RARB: variants seen among roughly 807,000 people sequenced by gnomAD.
RARB encodes HBV-activated protein.
A neutral mutation model predicts 51.9 loss-of-function variants in RARB; 17 were observed. The observed-to-expected ratio is 0.33, with a 90% CI of 0.22 to 0.49. RARB has a LOEUF of 0.49. Ranked by LOEUF, RARB falls within the 20% of genes least tolerant of loss-of-function variation. The pLI, the probability that RARB is intolerant of heterozygous loss-of-function variation, is 0.99. For missense variants in RARB, 369 were observed against 550.8 expected, an observed-to-expected ratio of 0.67 and a Z score of 3.30; for synonymous variants, 215 against 195.4, an observed-to-expected ratio of 1.10 and a Z score of -0.84.
chr3:25,502,701 C>T (rs1336081488), intron 3 of RARB, among the ~76,000 whole-genome samples: 2 of 152,058 alleles, frequency 1.3e-5, no homozygotes, highest in African/African-American at 2.4e-5. Context: ...AAGACTCGTG[C>T]GTAGAATATC....
intron 2 of RARB, among the ~76,000 whole-genome samples, chr3:24,930,985 A>G (rs1031608158): frequency 6.6e-6 from 1 of 152,084 alleles, no homozygotes; most frequent in Middle Eastern, 3.2e-3. Flanking sequence ...TGCACTCCAC[A>G]CTAGGTGACA....
chr3:25,397,600 T>A (rs1423855925), intron 5 of RARB, among the ~76,000 whole-genome samples: 2 of 152,244 alleles, frequency 1.3e-5, no homozygotes, highest in Non-Finnish European at 2.9e-5. Flanking sequence ...TATATTAGTT[T>A]ATCTCTGTAC....
chr3:25,139,814 A>AG (rs1700082259), intron 4 of RARB, among the ~76,000 whole-genome samples: 1 of 152,154 alleles, frequency 6.6e-6, no homozygotes, highest in Non-Finnish European at 1.5e-5. Context: ...CTCTCTTTTT[A>AG]GGGGCTAATG....
chr3:24,994,583 T>G (rs1485462808), intron 2 of RARB, among the ~76,000 whole-genome samples: 1 of 152,094 alleles, frequency 6.6e-6, no homozygotes, highest in Non-Finnish European at 1.5e-5. Flanking sequence ...ACTAATGTCC[T>G]GAAGTGTTTC....
intron 3 of RARB, among the ~76,000 whole-genome samples, chr3:25,080,901 T>A (rs1698981035): frequency 2.0e-5 from 3 of 152,158 alleles, no homozygotes. Flanking sequence ...TACCTATTTT[T>A]ACTTTCATTG....
At chr3:25,386,020 C>G (rs1442025119) in intron 5 of RARB, among the ~76,000 whole-genome samples, 1 of 152,174 alleles carries the variant, frequency 6.6e-6, no homozygotes, top group Non-Finnish European at 1.5e-5. Context: ...GGATCCAGCA[C>G]ATTTCCTCTT....
At chr3:25,422,161 AATG>A (rs1358932744) in intron 5 of RARB, among the ~76,000 whole-genome samples, 1 of 152,212 alleles carries the variant, frequency 6.6e-6, no homozygotes, top group Non-Finnish European at 1.5e-5. Context: ...GATCTCAAAA[AATG>A]AAGTGCTGAA....
intron 5 of RARB, among the ~76,000 whole-genome samples, chr3:25,338,333 G>T (rs972197591): frequency 6.6e-6 from 1 of 152,110 alleles, no homozygotes; most frequent in African/African-American, 2.4e-5. Context: ...AAGTCCTCTG[G>T]CTATTGTCAC....
chr3:24,914,421 C>T (rs932589780), intron 2 of RARB, among the ~76,000 whole-genome samples: 1 of 152,058 alleles, frequency 6.6e-6, no homozygotes, highest in African/African-American at 2.4e-5. Context: ...CCTTATCCTG[C>T]TTGCTCATGG....
chr3:25,193,101 C>G (rs1451971077), intron 5 of RARB, among the ~76,000 whole-genome samples: 1 of 152,022 alleles, frequency 6.6e-6, no homozygotes, highest in African/African-American at 2.4e-5. Flanking sequence ...CAAGTAATTG[C>G]TAACATTCCA....
intron 2 of RARB, among the ~76,000 whole-genome samples, chr3:24,861,722 C>T (rs1448612427): frequency 6.6e-6 from 1 of 152,082 alleles, no homozygotes; most frequent in Non-Finnish European, 1.5e-5. Context: ...CACGTATCTG[C>T]TTCTGCATTC....
chr3:25,567,811 C>G (rs187925865), intron 3 of RARB, among the ~76,000 whole-genome samples: 16 of 152,052 alleles, frequency 1.1e-4, no homozygotes, highest in African/African-American at 3.9e-4. Context: ...TGGCAGAGGC[C>G]GAGGAAAAGA....
chr3:25,326,159 T>C (rs190060598), intron 5 of RARB, among the ~76,000 whole-genome samples: 211 of 152,356 alleles, frequency 1.4e-3, no homozygotes, highest in African/African-American at 5.0e-3. Flanking sequence ...AGTTGACTTT[T>C]AGAGAAATAC....
intron 1 of RARB, among the ~76,000 whole-genome samples, chr3:24,835,240 T>G (rs968275735): frequency 7.9e-5 from 12 of 152,196 alleles, no homozygotes; most frequent in African/African-American, 2.9e-4. Context: ...CCTATGCCAA[T>G]AAGTAAACAT....
At chr3:25,150,245 C>T (rs923686121) in intron 4 of RARB, among the ~76,000 whole-genome samples, 1 of 151,960 alleles carries the variant, frequency 6.6e-6, no homozygotes, top group Admixed American at 6.6e-5. Context: ...ATACGCATAG[C>T]ATGATGAAAC....
chr3:25,504,242 T>C (rs1302722677), intron 3 of RARB, among the ~76,000 whole-genome samples: 2 of 152,214 alleles, frequency 1.3e-5, no homozygotes, highest in Non-Finnish European at 2.9e-5. Flanking sequence ...ATTTTTGCTG[T>C]GCTGGCTTCA....
intron 5 of RARB, among the ~76,000 whole-genome samples, chr3:25,361,126 A>G (rs989264949): frequency 1.1e-4 from 17 of 152,164 alleles, no homozygotes; most frequent in African/African-American, 4.1e-4. Flanking sequence ...AATCAAACGT[A>G]GGTTTGGTCT....
intron 3 of RARB, among the ~76,000 whole-genome samples, chr3:25,067,972 A>G (rs1698695666): frequency 6.6e-6 from 1 of 151,686 alleles, no homozygotes; most frequent in African/African-American, 2.4e-5. Context: ...CTCTGTCTCT[A>G]CTAAAAATAA....
At chr3:24,973,548 TG>T (rs1191341079) in intron 2 of RARB, among the ~76,000 whole-genome samples, 1 of 152,074 alleles carries the variant, frequency 6.6e-6, no homozygotes, top group African/African-American at 2.4e-5. Context: ...TAGACTGCTT[TG>T]TTTAGTAGTC....
Sources: allele counts gnomAD v4.1 joint callset (sites outside exome capture counted in the v4.1 genomes callset), GRCh38; gene constraint gnomAD v4.1.1; transcripts MANE v1.5; gene names NCBI Gene and HGNC (gene_info 2026-07-23, HGNC 2026-07-21).